Variants in XPR1 observed in about 807,000 individuals in gnomAD.
XPR1 encodes the protein solute carrier family 53 member 1.
XPR1 carries 28 observed loss-of-function variants against 87.5 expected under a neutral mutation model. That is an observed-to-expected ratio of 0.32 (90% CI 0.24 to 0.44). The LOEUF (loss-of-function observed/expected upper bound fraction) is 0.44. Ranked by LOEUF, XPR1 falls within the 20% of genes least tolerant of loss-of-function variation. The probability of loss-of-function intolerance (pLI) is 1.00; values close to 1 mark genes in which losing one functional copy is unlikely to be tolerated. For synonymous variants in XPR1, 300 were observed against 306.1 expected (o/e 0.98, Z 0.21); for missense variants, 559 against 862.3 (o/e 0.65, Z 4.41).
chr1:180,698,353 G>T (rs1057157199), intron 2 of XPR1, among the ~76,000 whole-genome samples: 1 of 152,046 alleles, frequency 6.6e-6, no homozygotes, highest in African/African-American at 2.4e-5. Context: ...GCATATAGGT[G>T]GATCATGTTT....
chr1:180,710,475 C>G (rs555214164), intron 2 of XPR1, among the ~76,000 whole-genome samples: 1 of 152,118 alleles, frequency 6.6e-6, no homozygotes, highest in South Asian at 2.1e-4. Context: ...CCCTTTAACC[C>G]TGAGTGGACA....
At chr1:180,685,246 T>C (rs1160863019) in intron 2 of XPR1, among the ~76,000 whole-genome samples, 2 of 152,210 alleles carry the variant, frequency 1.3e-5, no homozygotes, top group East Asian at 3.8e-4. Flanking sequence ...GAGATAATCA[T>C]GTGATTTTTG....
At chr1:180,759,779 T>C (rs558790994) in intron 2 of XPR1, among the ~76,000 whole-genome samples, 49 of 152,276 alleles carry the variant, frequency 3.2e-4, no homozygotes, top group Non-Finnish European at 5.1e-4. Context: ...GCCAGCATCA[T>C]CCTGATACCA....
intron 2 of XPR1, among the ~76,000 whole-genome samples, chr1:180,764,765 C>A (rs542790479): frequency 7.7e-4 from 115 of 149,292 alleles, no homozygotes; most frequent in Non-Finnish European, 1.4e-3. Context: ...CCACCGTGCC[C>A]AGCCTTATGG....
intron 4 of XPR1, among the ~76,000 whole-genome samples, chr1:180,803,871 A>G (rs2102118842): frequency 6.6e-6 from 1 of 152,212 alleles, no homozygotes; most frequent in East Asian, 1.9e-4. Context: ...CCACAACTCA[A>G]GGACTAACAG....
intron 1 of XPR1, among the ~76,000 whole-genome samples, chr1:180,665,365 G>A (rs560096922): frequency 2.0e-5 from 3 of 152,226 alleles, no homozygotes; most frequent in East Asian, 1.9e-4. Context: ...ATTTTGGGTG[G>A]GGGACACAGC....
intron 11 of XPR1, among the ~76,000 whole-genome samples, chr1:180,854,142 T>G (rs984526184): frequency 4.6e-5 from 7 of 152,246 alleles, no homozygotes; most frequent in African/African-American, 1.7e-4. Flanking sequence ...ATAAGTCTGT[T>G]GCTTAACTTT....
In XPR1 at chr1:180,762,800, A is replaced by C. The variant is rs557307051; in HGVS notation, c.122-24953A>C. 3.9e-5 allele frequency among the ~76,000 whole-genome samples: 6 copies of C among 152,224 alleles called. No homozygotes were observed. The East Asian group carries it at 1.2e-3, about 29-fold the overall frequency. On this transcript the variant is annotated intron_variant, in intron 2 of 14. Coordinates refer to ENST00000367590, the MANE Select transcript of XPR1 (RefSeq NM_004736.4). ...GTTCCTATAGGAATTAAGGATGCCTATGACAGAGTAACTCTACTGGGATGT... is the reference window on the plus strand; with the variant it reads ...GTTCCTATAGGAATTAAGGATGCCTCTGACAGAGTAACTCTACTGGGATGT...
chr1:180,753,848 TTTA>T (rs1379912298), intron 2 of XPR1, among the ~76,000 whole-genome samples: 1 of 152,222 alleles, frequency 6.6e-6, no homozygotes, highest in Non-Finnish European at 1.5e-5. Context: ...GCACTTTTAC[TTTA>T]TTTTCACAAC....
At chr1:180,780,830 TGTCAGATA>T (rs916819536) in intron 2 of XPR1, among the ~76,000 whole-genome samples, 5 of 152,032 alleles carry the variant, frequency 3.3e-5, no homozygotes, top group African/African-American at 1.2e-4. Context: ...ACTAAACCCT[TGTCAGATA>T]GTCCTGATAT....
intron 1 of XPR1, among the ~76,000 whole-genome samples, chr1:180,632,596 C>T (rs1654624660): frequency 6.6e-6 from 1 of 152,230 alleles, no homozygotes; most frequent in Admixed American, 6.5e-5. Context: ...GCGAGGGCAG[C>T]CCCGGGTCGC....
At chr1:180,802,954 A>G (rs968374262) in intron 3 of XPR1, among the ~76,000 whole-genome samples, 7 of 152,130 alleles carry the variant, frequency 4.6e-5, no homozygotes, top group African/African-American at 1.7e-4. Flanking sequence ...GGACATTTGG[A>G]TTGTTTCCAC....
At position 180,760,356 on chromosome 1, in the gene XPR1, T is replaced by C. The variant is rs572960244; in HGVS notation, c.122-27397T>C. Among the ~76,000 whole-genome samples the C allele has an allele frequency of 1.6e-4, 25 of 152,324 alleles. No individual in the cohort carries two copies. The South Asian group carries it at 5.0e-3, about 30-fold the overall frequency. On this transcript the variant is annotated intron_variant, in intron 2 of 14. Transcript: ENST00000367590. Reference sequence around the variant, plus strand: ...TTTGCAGATGACATGATTGTATATCTAGAAAACCCCATTGTCTCAGCCCAA... The same window carrying C: ...TTTGCAGATGACATGATTGTATATCCAGAAAACCCCATTGTCTCAGCCCAA...
chr1:180,815,615 G>C (rs1650380079), intron 7 of XPR1, among the ~76,000 whole-genome samples: 1 of 152,020 alleles, frequency 6.6e-6, no homozygotes, highest in Admixed American at 6.6e-5. Flanking sequence ...AAAATCACGT[G>C]TTTCAGATAA....
At chr1:180,733,008 GCTT>G (rs915196525) in intron 2 of XPR1, among the ~76,000 whole-genome samples, 14 of 152,292 alleles carry the variant, frequency 9.2e-5, no homozygotes, top group African/African-American at 2.9e-4. Context: ...GCATCGTTCT[GCTT>G]CTTCTTGTTG....
chr1:180,706,458 T>C (rs562657485), intron 2 of XPR1, among the ~76,000 whole-genome samples: 1 of 152,300 alleles, frequency 6.6e-6, no homozygotes, highest in South Asian at 2.1e-4. Context: ...CTGGAAAAAA[T>C]AGATGCATGA....
chr1:180,759,810 C>A (rs1167803123), intron 2 of XPR1, among the ~76,000 whole-genome samples: 1 of 151,802 alleles, frequency 6.6e-6, no homozygotes, highest in African/African-American at 2.4e-5. Flanking sequence ...GAGACACAAC[C>A]AAAAAAGAGA....
chr1:180,856,430 T>C (rs1175632428), intron 11 of XPR1, among the ~76,000 whole-genome samples: 1 of 152,200 alleles, frequency 6.6e-6, no homozygotes, highest in Non-Finnish European at 1.5e-5. Context: ...CTAAATTATT[T>C]TGATGGTTGC....
At chr1:180,837,194 A>G (rs1364963804) in intron 11 of XPR1, among the ~76,000 whole-genome samples, 1 of 152,164 alleles carries the variant, frequency 6.6e-6, no homozygotes. Context: ...ATGGCAACGT[A>G]TTATTACTTG....
Sources: gnomAD v4.1 joint callset for allele counts (sites outside exome capture counted in the v4.1 genomes callset) on GRCh38, gnomAD v4.1.1 for gene constraint, MANE v1.5 for transcripts, NCBI Gene and HGNC (gene_info 2026-07-23, HGNC 2026-07-21) for gene names.